Variants in MAD1L1 observed in about 807,000 individuals in gnomAD.
The protein encoded by MAD1L1 is mitotic spindle assembly checkpoint protein MAD1.
In MAD1L1, 95 loss-of-function variants were observed where a neutral mutation model predicts 96.9. That is an observed-to-expected ratio of 0.98 (90% CI 0.83 to 1.16). The LOEUF is 1.16. Among genes scored for constraint, MAD1L1 ranks in the 50% most tolerant of loss-of-function variants. The pLI, the probability that MAD1L1 is intolerant of heterozygous loss-of-function variation, is 0.00. For synonymous variants in MAD1L1, 473 were observed against 396.6 expected (o/e 1.19, Z -2.29); for missense variants, 1,007 against 954.4 (o/e 1.06, Z -0.73).
chr7:1,995,811 C>T (rs1781529081), intron 14 of MAD1L1, among the ~76,000 whole-genome samples: 1 of 152,314 alleles, frequency 6.6e-6, no homozygotes, highest in Non-Finnish European at 1.5e-5. Context: ...CCATACAGAA[C>T]CCCGGTGCCA....
intron 17 of MAD1L1, among the ~76,000 whole-genome samples, chr7:1,916,533 G>A (rs1378468281): frequency 6.6e-6 from 1 of 152,174 alleles, no homozygotes; most frequent in African/African-American, 2.4e-5. Context: ...AGGCATGGCG[G>A]GGGAGGCGGG....
At chr7:2,048,534 C>T (rs1784033806) in intron 12 of MAD1L1, among the ~76,000 whole-genome samples, 1 of 152,212 alleles carries the variant, frequency 6.6e-6, no homozygotes, top group South Asian at 2.1e-4. Context: ...TAGGATTTGT[C>T]AGGAAATAAA....
chr7:1,847,500 G>T (rs1222071651), intron 18 of MAD1L1: 2 of 471,118 alleles, frequency 4.2e-6, no homozygotes, highest in Admixed American at 4.7e-5. Context: ...GCCACTGCAG[G>T]GGAAGCTCAG....
chr7:1,819,912 C>T (rs186625163), intron 18 of MAD1L1, among the ~76,000 whole-genome samples: 17 of 152,130 alleles, frequency 1.1e-4, no homozygotes, highest in South Asian at 2.1e-4. Flanking sequence ...CTGGGAAACT[C>T]GAGGGGAGGA....
intron 16 of MAD1L1, among the ~76,000 whole-genome samples, chr7:1,939,580 C>T (rs536889324): frequency 1.3e-5 from 2 of 152,236 alleles, no homozygotes; most frequent in South Asian, 4.1e-4. Flanking sequence ...GCCAGGCCAG[C>T]ACCACGCATA....
At position 1,898,239 on chromosome 7, in the gene MAD1L1, C is replaced by G. The variant is rs61736815; in HGVS notation, c.1959G>C (p.Ser653=). 1 of 1,613,760 alleles carries G rather than the reference C, an allele frequency of 6.2e-7. No homozygotes were observed. ...ITTENQYRLT[S]LYAEHPGDCL... ...AGTCGCCTGGGTGCTCGGCGTACAG[C>G]GAGGTCAGCCGGTACTGGTTCTCCG... The change falls in exon 18 of 19, where the codon TCG becomes TCC. Residue 653 remains serine, a synonymous_variant. Transcript: ENST00000265854.
intron 11 of MAD1L1, among the ~76,000 whole-genome samples, chr7:2,078,678 A>G (rs564408513): frequency 6.6e-6 from 1 of 152,314 alleles, no homozygotes; most frequent in Non-Finnish European, 1.5e-5. Context: ...TCCTGGGTAC[A>G]TGACCTCGTT....
chr7:1,837,985 C>T (rs1261640031), intron 18 of MAD1L1, among the ~76,000 whole-genome samples: 1 of 152,244 alleles, frequency 6.6e-6, no homozygotes, highest in South Asian at 2.1e-4. Flanking sequence ...TGAAACACGG[C>T]AGCGTGCTGC....
chr7:1,873,873 G>A (rs1201729815), intron 18 of MAD1L1, among the ~76,000 whole-genome samples: 3 of 152,198 alleles, frequency 2.0e-5, no homozygotes, highest in African/African-American at 7.2e-5. Context: ...GCTCCCCGTG[G>A]CTGAACGAGA....
At chr7:1,996,611 G>T (rs945487043) in intron 14 of MAD1L1, among the ~76,000 whole-genome samples, 2 of 152,228 alleles carry the variant, frequency 1.3e-5, no homozygotes, top group African/African-American at 4.8e-5. Context: ...TTCAGAGATG[G>T]ACAAAGAAGG....
At chr7:1,822,235 C>T (rs372576604) in intron 18 of MAD1L1, among the ~76,000 whole-genome samples, 7 of 151,794 alleles carry the variant, frequency 4.6e-5, no homozygotes, top group Admixed American at 3.3e-4. Flanking sequence ...CTTAAATACT[C>T]GGGTATACAT....
chr7:1,886,713 C>T (rs1048976356), intron 18 of MAD1L1, among the ~76,000 whole-genome samples: 3 of 152,270 alleles, frequency 2.0e-5, no homozygotes, highest in African/African-American at 7.2e-5. Context: ...ATCTGGGTGA[C>T]CCTGGGCAGG....
intron 18 of MAD1L1, among the ~76,000 whole-genome samples, chr7:1,893,772 A>C (rs1006383449): frequency 6.6e-6 from 1 of 152,208 alleles, no homozygotes; most frequent in Non-Finnish European, 1.5e-5. Context: ...ACAGGAGTGC[A>C]GTGGCCTGGC....
chr7:1,880,120 A>G (rs759333805), intron 18 of MAD1L1, among the ~76,000 whole-genome samples: 1 of 152,122 alleles, frequency 6.6e-6, no homozygotes, highest in South Asian at 2.1e-4. Flanking sequence ...GCCAACTAGG[A>G]CTCGCCACAA....
At chr7:2,174,700 T>A (rs963243929) in intron 10 of MAD1L1, among the ~76,000 whole-genome samples, 1 of 152,220 alleles carries the variant, frequency 6.6e-6, no homozygotes, top group Non-Finnish European at 1.5e-5. Context: ...CTCTTCTTGT[T>A]CACTGAATGT....
intron 16 of MAD1L1, among the ~76,000 whole-genome samples, chr7:1,946,376 C>G (rs979225878): frequency 2.0e-5 from 3 of 152,218 alleles, no homozygotes; most frequent in African/African-American, 4.8e-5. Context: ...TCAACTCAAG[C>G]AGATGGGAGA....
rs1046521145 is a variant in MAD1L1, at chr7:2,087,365, C to T, written c.1074-18027G>A. Among the ~76,000 whole-genome samples the T allele has an allele frequency of 3.3e-5, 5 of 152,130 alleles. No individual in the cohort carries two copies. In the East Asian group the frequency reaches 9.6e-4, roughly 29 times the overall value. On this transcript the variant is annotated intron_variant, in intron 11 of 18. Transcript: ENST00000265854. ...GACCAGCCTGACCAACATGGCGAAA[C>T]CCTGTCTCTACTAAGAATACAAAAA...
chr7:1,826,139 C>T (rs1782381395), intron 18 of MAD1L1, among the ~76,000 whole-genome samples: 1 of 152,176 alleles, frequency 6.6e-6, no homozygotes, highest in African/African-American at 2.4e-5. Flanking sequence ...ACCGAGGACT[C>T]CTGGCAGCCT....
chr7:2,053,234 A>G (rs1195225241), intron 12 of MAD1L1, among the ~76,000 whole-genome samples: 1 of 152,168 alleles, frequency 6.6e-6, no homozygotes, highest in African/African-American at 2.4e-5. Flanking sequence ...CCCTTCCTGA[A>G]AACCGGTGAG....
Sources: allele counts gnomAD v4.1 joint callset (sites outside exome capture counted in the v4.1 genomes callset), GRCh38; gene constraint gnomAD v4.1.1; transcripts MANE v1.5; gene names NCBI Gene and HGNC (gene_info 2026-07-23, HGNC 2026-07-21).